Variants in LIPC observed in about 807,000 individuals in gnomAD.
The protein encoded by LIPC is hepatic triacylglycerol lipase.
In LIPC, 44 loss-of-function variants were observed where a neutral mutation model predicts 50.7. The ratio of observed to expected loss-of-function variants is 0.87; its 90% CI spans 0.68 to 1.11. The LOEUF is 1.11. Ranked by LOEUF, LIPC falls within the 50% of genes most tolerant of loss-of-function variation. The pLI, the probability that LIPC is intolerant of heterozygous loss-of-function variation, is 0.00. For synonymous variants in LIPC, 271 were observed against 256.4 expected (o/e 1.06, Z -0.54); for missense variants, 697 against 648.2 (o/e 1.08, Z -0.82).
intron 1 of LIPC, among the ~76,000 whole-genome samples, chr15:58,485,078 C>T (rs1454011787): frequency 1.3e-5 from 2 of 152,220 alleles, no homozygotes; most frequent in African/African-American, 2.4e-5. Context: ...AGTTGGGTTC[C>T]GCAAGAATGA....
intron 1 of LIPC, among the ~76,000 whole-genome samples, chr15:58,451,987 A>G (rs1893916141): frequency 6.6e-6 from 1 of 152,212 alleles, no homozygotes; most frequent in African/African-American, 2.4e-5. Flanking sequence ...ACACTGGAGA[A>G]CCAACACAAT....
intron 1 of LIPC, among the ~76,000 whole-genome samples, chr15:58,460,165 C>T (rs1211802393): frequency 6.6e-6 from 1 of 152,224 alleles, no homozygotes; most frequent in East Asian, 1.9e-4. Flanking sequence ...AAAACCCTTC[C>T]ACTCTCAGGG....
chr15:58,435,442 G>A (rs116896522), intron 1 of LIPC: 1,514 of 147,692 alleles, frequency 0.01, 9 homozygotes, highest in Middle Eastern at 0.028. Flanking sequence ...CTGCACAGCC[G>A]TCCCCACCTT....
intron 1 of LIPC, among the ~76,000 whole-genome samples, chr15:58,535,292 G>A (rs1375390194): frequency 6.6e-6 from 1 of 152,232 alleles, no homozygotes; most frequent in Non-Finnish European, 1.5e-5. Context: ...CTAGTACCTA[G>A]CCAGGGGGCC....
Position 58,548,468 on chromosome 15 carries a change from G to A in LIPC, c.947G>A (p.Cys316Tyr), listed in dbSNP as rs995976417. ...NSFSQGLCLS[C>Y]KKGRCNTLGY... The stretch of plus-strand genomic sequence containing the variant: ...TTCAGCCAGGGCCTGTGCCTGAGCT[G>A]CAAGAAGGGCCGCTGCAACACGCTG... The change falls in exon 6 of 9, where the codon TGC becomes TAC. Residue 316 changes from cysteine to tyrosine, a missense_variant. Transcript: ENST00000299022. 1.2e-6 allele frequency: 2 copies of A among 1,612,742 alleles called. No homozygotes were observed. Among genetic ancestry groups the A allele is most frequent in the Non-Finnish European group, 1.7e-6 (2 of 1,179,372 alleles).
chr15:58,509,486 A>T (rs1415263978), intron 1 of LIPC, among the ~76,000 whole-genome samples: 2 of 152,264 alleles, frequency 1.3e-5, no homozygotes, highest in African/African-American at 4.8e-5. Context: ...AAAGCTATCT[A>T]CTCCAAGGAT....
In LIPC at chr15:58,541,983, A is replaced by G. The variant is rs752031373; in HGVS notation, c.456+16A>G. 1.9e-6 allele frequency: 3 copies of G among 1,601,126 alleles called. No homozygotes were observed. In the African/African-American group the frequency reaches 4.0e-5, roughly 21 times the overall value. ...GTGGCTGGAGGTACCGACCTGCCCC[A>G]TCCTTCCTTCACCTCCCTTCCCTCC... On this transcript the variant is annotated intron_variant, in intron 3 of 8. Transcript: ENST00000299022.
At chr15:58,508,548 A>AC (rs1331403151) in intron 1 of LIPC, among the ~76,000 whole-genome samples, 1 of 151,772 alleles carries the variant, frequency 6.6e-6, no homozygotes, top group East Asian at 1.9e-4. Flanking sequence ...CTATAGGCCG[A>AC]CCCCCCTCCA....
chr15:58,507,101 G>A (rs1367797768), intron 1 of LIPC, among the ~76,000 whole-genome samples: 1 of 152,160 alleles, frequency 6.6e-6, no homozygotes, highest in Non-Finnish European at 1.5e-5. Context: ...TCCCTCCCAG[G>A]ACATGTGGGG....
At chr15:58,537,108 G>C (rs551921025) in intron 1 of LIPC, among the ~76,000 whole-genome samples, 65 of 152,344 alleles carry the variant, frequency 4.3e-4, no homozygotes, top group African/African-American at 1.5e-3. Flanking sequence ...CCAGAAGGAA[G>C]GGATGAGAGC....
intron 8 of LIPC, 33 bp from the exon 9 acceptor site, chr15:58,568,683 T>TA (rs1894464033): frequency 7.9e-7 from 1 of 1,258,138 alleles, no homozygotes; most frequent in African/African-American, 1.5e-5. Context: ...ACCTAAAACT[T>TA]AATGCTGTGT....
intron 1 of LIPC, among the ~76,000 whole-genome samples, chr15:58,441,710 C>T (rs1187389441): frequency 1.3e-5 from 2 of 152,054 alleles, no homozygotes; most frequent in Non-Finnish European, 2.9e-5. Flanking sequence ...TTCAATGATT[C>T]GGCATCATAA....
At chr15:58,468,706 G>C (rs992910011) in intron 1 of LIPC, among the ~76,000 whole-genome samples, 1 of 151,984 alleles carries the variant, frequency 6.6e-6, no homozygotes, top group Non-Finnish European at 1.5e-5. Flanking sequence ...ACTTATAACA[G>C]AAAGGCCCAC....
chr15:58,497,715 A>G (rs1203218355), intron 1 of LIPC: 1 of 152,190 alleles, frequency 6.6e-6, no homozygotes, highest in East Asian at 1.9e-4. Context: ...CCAAATGCAT[A>G]CCTGTCTCCA....
chr15:58,452,113 A>G (rs1334485267), intron 1 of LIPC, among the ~76,000 whole-genome samples: 1 of 152,210 alleles, frequency 6.6e-6, no homozygotes, highest in Non-Finnish European at 1.5e-5. Context: ...TGTTGAATAC[A>G]CATTTCAGTG....
chr15:58,499,833 G>A (rs1202394716), intron 1 of LIPC, among the ~76,000 whole-genome samples: 16 of 152,192 alleles, frequency 1.1e-4, no homozygotes, highest in African/African-American at 3.9e-4. Context: ...ACTGTGTCCT[G>A]GGGAGGAGGT....
At chr15:58,446,634 C>T (rs1332889163) in intron 1 of LIPC, among the ~76,000 whole-genome samples, 2 of 152,120 alleles carry the variant, frequency 1.3e-5, no homozygotes, top group African/African-American at 4.8e-5. Context: ...TGGCCTCTTG[C>T]GGACCTCTCT....
In LIPC at chr15:58,461,534, G is replaced by A. The variant is rs554696548; in HGVS notation, c.88+29414G>A. On this transcript the variant is annotated intron_variant, in intron 1 of 8. Coordinates refer to ENST00000299022, the MANE Select transcript of LIPC (RefSeq NM_000236.3). ...AGCGATTCTCCTGCCTCAGCCTCCC[G>A]ATTAGCTGGGATTACTGGTGTGCAC... Among the ~76,000 whole-genome samples the A allele has an allele frequency of 2.0e-4, 30 of 152,002 alleles. No homozygotes were observed. The South Asian group carries it at 5.0e-3, about 25-fold the overall frequency.
At chr15:58,494,510 T>C (rs1891699856) in intron 1 of LIPC, among the ~76,000 whole-genome samples, 1 of 152,200 alleles carries the variant, frequency 6.6e-6, no homozygotes, top group Admixed American at 6.5e-5. Flanking sequence ...TGGCAATGCC[T>C]ATGAAAGTGC....
Sources: allele counts gnomAD v4.1 joint callset (sites outside exome capture counted in the v4.1 genomes callset), GRCh38; gene constraint gnomAD v4.1.1; transcripts MANE v1.5; gene names NCBI Gene and HGNC (gene_info 2026-07-23, HGNC 2026-07-21).